The following MIPOL1 variants were observed in gnomAD, a reference collection of about 807,000 sequenced individuals.
MIPOL1 encodes the protein mirror-image polydactyly 1.
Under a neutral mutation model 60.9 loss-of-function variants are expected in MIPOL1, and 57 were observed. The observed-to-expected ratio is 0.94, with a 90% CI of 0.76 to 1.17. The LOEUF (loss-of-function observed/expected upper bound fraction) is 1.17, where lower values mean the gene tolerates loss of function less well. Among genes scored for constraint, MIPOL1 ranks in the 50% most tolerant of loss-of-function variants. The pLI is 0.00. For synonymous variants in MIPOL1, 179 were observed against 168.8 expected, an observed-to-expected ratio of 1.06 and a Z score of -0.47; for missense variants, 551 against 511.6, an observed-to-expected ratio of 1.08 and a Z score of -0.74.
At chr14:37,209,274 T>C (rs547938561) in intron 1 of MIPOL1, among the ~76,000 whole-genome samples, 1 of 152,352 alleles carries the variant, frequency 6.6e-6, no homozygotes, top group African/African-American at 2.4e-5. Context: ...CATCTCTGTC[T>C]TCCAGTTGGA....
intron 10 of MIPOL1, among the ~76,000 whole-genome samples, chr14:37,402,734 G>A (rs762769084): frequency 6.6e-6 from 1 of 152,178 alleles, no homozygotes; most frequent in Non-Finnish European, 1.5e-5. Context: ...GCAATCAGAT[G>A]TTCATTATAT....
chr14:37,494,148 G>A (rs1022083167), intron 11 of MIPOL1, among the ~76,000 whole-genome samples: 10 of 152,008 alleles, frequency 6.6e-5, no homozygotes, highest in African/African-American at 2.2e-4. Context: ...TATTCCTATT[G>A]GAAAATTCCT....
intron 1 of MIPOL1, among the ~76,000 whole-genome samples, chr14:37,210,626 G>A (rs763224088): frequency 3.9e-5 from 6 of 152,054 alleles, no homozygotes; most frequent in African/African-American, 1.2e-4. Context: ...TTGCTGACAC[G>A]TGATGAAATA....
chr14:37,257,787 G>T (rs911548714), intron 3 of MIPOL1, among the ~76,000 whole-genome samples: 1 of 152,124 alleles, frequency 6.6e-6, no homozygotes, highest in Non-Finnish European at 1.5e-5. Flanking sequence ...CATATTTGCT[G>T]AATGACAAAG....
chr14:37,451,378 T>C (rs2094414395), intron 11 of MIPOL1, among the ~76,000 whole-genome samples: 1 of 152,210 alleles, frequency 6.6e-6, no homozygotes, highest in Admixed American at 6.5e-5. Context: ...TACTTGTGTT[T>C]TTTTGAGAAT....
chr14:37,499,331 CA>C (rs150140013), intron 11 of MIPOL1, among the ~76,000 whole-genome samples: 10 of 149,046 alleles, frequency 6.7e-5, no homozygotes, highest in South Asian at 2.1e-4. Context: ...ATTCATTAGC[CA>C]AAAAAAAATA....
At chr14:37,511,611 A>G (rs965500311) in intron 12 of MIPOL1, among the ~76,000 whole-genome samples, 3 of 152,206 alleles carry the variant, frequency 2.0e-5, no homozygotes, top group Non-Finnish European at 4.4e-5. Flanking sequence ...TTTCGTTTCC[A>G]TCTACAAGTA....
chr14:37,413,934 G>T (rs2093721153), intron 10 of MIPOL1, among the ~76,000 whole-genome samples: 1 of 152,076 alleles, frequency 6.6e-6, no homozygotes, highest in Admixed American at 6.6e-5. Context: ...CAGTATTTCT[G>T]CAACAAAATG....
chr14:37,210,084 A>T (rs1159931513), intron 1 of MIPOL1, among the ~76,000 whole-genome samples: 1 of 151,836 alleles, frequency 6.6e-6, no homozygotes, highest in Non-Finnish European at 1.5e-5. Context: ...TTTTTGAAAA[A>T]CGCTCAAACT....
At chr14:37,544,206 A>G (rs2095539478) in intron 12 of MIPOL1, among the ~76,000 whole-genome samples, 1 of 152,226 alleles carries the variant, frequency 6.6e-6, no homozygotes, top group African/African-American at 2.4e-5. Flanking sequence ...AACATTAAAA[A>G]TACCAACAAA....
At chr14:37,451,166 C>T (rs999908394) in intron 11 of MIPOL1, among the ~76,000 whole-genome samples, 10 of 152,136 alleles carry the variant, frequency 6.6e-5, no homozygotes, top group African/African-American at 2.4e-4. Flanking sequence ...GAGTTATTGA[C>T]ACCTCTTCCC....
At chr14:37,397,669 G>A (rs527240694) in intron 10 of MIPOL1, among the ~76,000 whole-genome samples, 2 of 152,160 alleles carry the variant, frequency 1.3e-5, no homozygotes, top group African/African-American at 2.4e-5. Context: ...GGGGATCAGG[G>A]CGAGGTTCCC....
intron 10 of MIPOL1, among the ~76,000 whole-genome samples, chr14:37,379,919 T>C (rs1212382035): frequency 6.6e-6 from 1 of 152,102 alleles, no homozygotes; most frequent in Non-Finnish European, 1.5e-5. Context: ...CCTTCAACCA[T>C]TCTCTTTCTA....
At chr14:37,337,347 TATATATATA>T (rs1488317863) in intron 9 of MIPOL1, among the ~76,000 whole-genome samples, 5 of 34,500 alleles carry the variant, frequency 1.4e-4, no homozygotes, top group Non-Finnish European at 1.6e-4. Flanking sequence ...TATATATATA[TATATATATA>T]TTTTTTTTTT....
chr14:37,357,093 TA>T (rs2091899388), intron 9 of MIPOL1, among the ~76,000 whole-genome samples: 1 of 152,234 alleles, frequency 6.6e-6, no homozygotes, highest in African/African-American at 2.4e-5. Context: ...CTCTTCAATA[TA>T]CTGATTTCCT....
intron 11 of MIPOL1, among the ~76,000 whole-genome samples, chr14:37,425,665 T>A (rs1037178664): frequency 2.0e-5 from 3 of 152,192 alleles, no homozygotes; most frequent in Non-Finnish European, 4.4e-5. Context: ...AGTGTTTGGT[T>A]TATTGTTATT....
chr14:37,284,303 G>A (rs1189259043), intron 6 of MIPOL1, among the ~76,000 whole-genome samples: 2 of 151,568 alleles, frequency 1.3e-5, no homozygotes, highest in African/African-American at 4.8e-5. Flanking sequence ...TGAATTTTGT[G>A]TTTATACTTT....
At chr14:37,266,635 A>G (rs2082895431) in intron 3 of MIPOL1, among the ~76,000 whole-genome samples, 1 of 152,144 alleles carries the variant, frequency 6.6e-6, no homozygotes, top group South Asian at 2.1e-4. Context: ...GAAGTGCCAT[A>G]TTTCTTCAAA....
At chr14:37,286,708 T>C (rs749191262) in intron 7 of MIPOL1, among the ~76,000 whole-genome samples, 2 of 152,142 alleles carry the variant, frequency 1.3e-5, no homozygotes, top group Non-Finnish European at 2.9e-5. Context: ...TTTGTTTAGA[T>C]TAATGGCTTC....
Sources: allele counts gnomAD v4.1 joint callset (sites outside exome capture counted in the v4.1 genomes callset), GRCh38; gene constraint gnomAD v4.1.1; transcripts MANE v1.5; gene names NCBI Gene and HGNC (gene_info 2026-07-23, HGNC 2026-07-21).